Variants in MYO18A observed in about 807,000 individuals in gnomAD.
The protein encoded by MYO18A is unconventional myosin-XVIIIa.
MYO18A carries 78 observed loss-of-function variants against 235.8 expected under a neutral mutation model. That is an observed-to-expected ratio of 0.33 (90% CI 0.28 to 0.40). The LOEUF (loss-of-function observed/expected upper bound fraction) is 0.40. Ranked by LOEUF, MYO18A falls within the 10% of genes least tolerant of loss-of-function variation. The probability of loss-of-function intolerance (pLI) is 1.00; values close to 1 mark genes in which losing one functional copy is unlikely to be tolerated. For synonymous variants in MYO18A, 977 were observed against 1,077.8 expected (o/e 0.91, Z 1.83); for missense variants, 2,215 against 2,699.3 (o/e 0.82, Z 3.98).
chr17:29,128,060 C>A (rs2067367760), intron 2 of MYO18A: 1 of 1,016,646 alleles, frequency 9.8e-7, no homozygotes, highest in Admixed American at 5.6e-5. Context: ...GGGCTTCTCC[C>A]CCTTCCCAGA....
At chr17:29,172,763 A>G (rs2068434396) in intron 1 of MYO18A, among the ~76,000 whole-genome samples, 3 of 152,200 alleles carry the variant, frequency 2.0e-5, no homozygotes, top group Non-Finnish European at 4.4e-5. Flanking sequence ...GTAAAGCCCA[A>G]AGAAGTGAAG....
At chr17:29,133,659 T>C (rs1265052061) in intron 2 of MYO18A, 2 of 533,602 alleles carry the variant, frequency 3.7e-6, no homozygotes, top group East Asian at 6.9e-5. Flanking sequence ...TCATTCTCCC[T>C]GCCACCCCCA....
chr17:29,099,506 C>G, intron 22 of MYO18A, 128 bp downstream of exon 22: 1 of 1,292,700 alleles, frequency 7.7e-7, no homozygotes, highest in Non-Finnish European at 1.0e-6. Flanking sequence ...CTGCCTGTTC[C>G]CCACCCTGGC....
Position 29,126,353 on chromosome 17 carries a change from G to A in MYO18A, c.1000-4100C>T, listed in dbSNP as rs938216105. On this transcript the variant is annotated intron_variant, in intron 2 of 41. Transcript: ENST00000527372. This position sits in a 1 kb window ranked among gnomAD's most constrained non-coding sequence, Gnocchi z 4.1. The stretch of plus-strand genomic sequence containing the variant: ...AGGAGGGAGGGGAGGGCAGCCGCCC[G>A]GGAACAGGACCACGACACTCCCCAC... Among the ~76,000 whole-genome samples the A allele has an allele frequency of 2.6e-5, 4 of 151,912 alleles. No homozygotes were observed. Among genetic ancestry groups the A allele is most frequent in the South Asian group, 4.1e-4 (2 of 4,820 alleles).
At chr17:29,157,597 A>G (rs1226540528) in intron 2 of MYO18A, among the ~76,000 whole-genome samples, 2 of 152,206 alleles carry the variant, frequency 1.3e-5, no homozygotes, top group African/African-American at 4.8e-5. Flanking sequence ...TTAACCTCTC[A>G]GTAATGCAGT....
chr17:29,166,007 C>T lies in MYO18A; in HGVS notation c.934G>A (p.Glu312Lys). ...CAGCTCCTGCTGAGCTCGCTGAGCT[C>T]TGGAATGGGCTGCACCTTGAGCCGC... ...SVRLKVQPIPELSELSRSWLR... is the reference protein window; with the variant it reads ...SVRLKVQPIPKLSELSRSWLR... The change falls in exon 2 of 42, where the codon GAG (glutamate) becomes AAG (lysine). Residue 312 changes from glutamate to lysine, a missense_variant. Glu to Lys is a moderately conservative substitution (Grantham distance 56). Coordinates refer to ENST00000527372, the MANE Select transcript of MYO18A (RefSeq NM_078471.4). 1 of 1,613,620 alleles carries T rather than the reference C, an allele frequency of 6.2e-7. No individual in the cohort carries two copies. The highest frequency in any genetic ancestry group is 1.1e-5 in the South Asian group (1 of 91,088).
intron 21 of MYO18A, among the ~76,000 whole-genome samples, chr17:29,101,722 C>A (rs1458436726): frequency 6.6e-6 from 1 of 152,150 alleles, no homozygotes; most frequent in Non-Finnish European, 1.5e-5. Flanking sequence ...AGCCACCTGA[C>A]CAGGGCAGAA....
At chr17:29,114,146 G>C in intron 14 of MYO18A, 49 bp from the exon 15 acceptor site, 1 of 1,432,504 alleles carries the variant, frequency 7.0e-7, no homozygotes, top group Non-Finnish European at 9.6e-7. Context: ...ACATTGTGGG[G>C]AACAGCCTTG....
chr17:29,151,706 G>A (rs980785880), intron 2 of MYO18A, among the ~76,000 whole-genome samples: 3 of 152,216 alleles, frequency 2.0e-5, no homozygotes, highest in African/African-American at 7.2e-5. Context: ...CCAAGCACGA[G>A]TAAGACATCT....
chr17:29,082,548 T>C, intron 40 of MYO18A, 110 bp from the exon 41 acceptor site: 1 of 1,119,254 alleles, frequency 8.9e-7, no homozygotes, highest in Non-Finnish European at 1.3e-6. Context: ...GTGGGCAGCA[T>C]GCACGTCGGT....
At position 29,086,190 on chromosome 17, in the gene MYO18A, G is replaced by A. The variant is rs563444665; in HGVS notation, c.5852+248C>T. Among the ~76,000 whole-genome samples the A allele has an allele frequency of 6.6e-5, 10 of 152,326 alleles. No homozygotes were observed. The East Asian group carries it at 1.2e-3, about 18-fold the overall frequency. ...AACGGGAGAATAACTCATCTTGAGCGGGCAGAGCTGGAGGGCCTGGTCGTG... is the reference window on the plus strand; with the variant it reads ...AACGGGAGAATAACTCATCTTGAGCAGGCAGAGCTGGAGGGCCTGGTCGTG... On this transcript the variant is annotated intron_variant, in intron 39 of 41. Transcript: ENST00000527372.
chr17:29,160,800 A>G (rs1054977452), intron 2 of MYO18A, among the ~76,000 whole-genome samples: 2 of 151,928 alleles, frequency 1.3e-5, no homozygotes, highest in African/African-American at 4.8e-5. Flanking sequence ...ACACACTAAA[A>G]CCTCCAACTA....
At position 29,158,862 on chromosome 17, in the gene MYO18A, T is replaced by C. The variant is rs1366540951; in HGVS notation, c.999+7080A>G. 2.0e-5 allele frequency among the ~76,000 whole-genome samples: 3 copies of C among 152,204 alleles called. No homozygotes were observed. The highest frequency in any genetic ancestry group is 6.5e-5 in the Admixed American group (1 of 15,284). Reference sequence around the variant, plus strand: ...CTCACCCCCAGTCAGGGTGTTTGCATATCTGGTATTTTCCAGAACCAGTCC... The same window carrying C: ...CTCACCCCCAGTCAGGGTGTTTGCACATCTGGTATTTTCCAGAACCAGTCC... On this transcript the variant is annotated intron_variant, in intron 2 of 41. Transcript: ENST00000527372. The surrounding 1 kb of genome is among the most constrained non-coding windows in gnomAD (Gnocchi z 4.3).
In MYO18A at chr17:29,121,206, C is replaced by T. The variant is rs1471365775; in HGVS notation, c.1377G>A (p.Met459Ile). 3 of 1,605,304 alleles carry T rather than the reference C, an allele frequency of 1.9e-6. No homozygotes were observed. The highest frequency in any genetic ancestry group is 1.1e-5 in the South Asian group (1 of 89,158). ...CCCGCCGACAACCCTTGAACATGTG[C>T]ATCACCTTGGGCAGGAGAGCAAGGG... is the stretch of plus-strand genomic sequence containing the variant. ...GAPAVYSEKV[M>I]HMFKGCRRED... Residue 459 changes from methionine to isoleucine, a missense_variant, in exon 6 of 42, where the codon ATG becomes ATA. Met to Ile is a conservative substitution (Grantham distance 10, BLOSUM62 1). Transcript: ENST00000527372. The surrounding 1 kb of genome is among the most constrained non-coding windows in gnomAD (Gnocchi z 4.2).
chr17:29,090,399 GCTC>G, intron 36 of MYO18A, 130 bp downstream of exon 36: 1 of 795,880 alleles, frequency 1.3e-6, no homozygotes, highest in Non-Finnish European at 2.0e-6. Context: ...CCTAGCTCTT[GCTC>G]CTCATTTACG....
intron 41 of MYO18A, chr17:29,080,925 G>T (rs2152718540): frequency 2.5e-5 from 25 of 985,486 alleles, no homozygotes; most frequent in Non-Finnish European, 3.0e-5. Context: ...CCTTTAGGGT[G>T]AGCCGCTTCC....
At chr17:29,160,382 C>T (rs1172054280) in intron 2 of MYO18A, among the ~76,000 whole-genome samples, 2 of 152,186 alleles carry the variant, frequency 1.3e-5, no homozygotes, top group Non-Finnish European at 2.9e-5. Context: ...CACCAGGAGG[C>T]CTCTCCTGAT....
chr17:29,141,234 G>A (rs1169749916), intron 2 of MYO18A, among the ~76,000 whole-genome samples: 1 of 152,186 alleles, frequency 6.6e-6, no homozygotes, highest in Non-Finnish European at 1.5e-5. Context: ...AAAAGCCAGT[G>A]TTTCTTGTGA....
Position 29,121,645 on chromosome 17 carries a change from A to G in MYO18A, c.1273T>C (p.Leu425=). ...AGGCTAGCGCCATAGCGCTGGCGCA[A>G]GGTGTGCAGGACGCTGGACTCATTG... ...YLNESSVLHT[L]RQRYGASLLH... is the part of the protein sequence containing the mutation. Residue 425 remains leucine (L), a synonymous_variant, in exon 5 of 42, where the codon TTG becomes CTG. Coordinates refer to ENST00000527372, the MANE Select transcript of MYO18A (RefSeq NM_078471.4). This position sits in a 1 kb window ranked among gnomAD's most constrained non-coding sequence, Gnocchi z 4.2. 6.4e-7 allele frequency: 1 copy of G among 1,573,262 alleles called. No homozygotes were observed. The highest frequency in any genetic ancestry group is 8.6e-7 in the Non-Finnish European group (1 of 1,159,496).
Sources: allele counts gnomAD v4.1 joint callset (sites outside exome capture counted in the v4.1 genomes callset), GRCh38; gene constraint gnomAD v4.1.1; non-coding constraint Gnocchi (gnomAD v3.1); transcripts MANE v1.5; gene names NCBI Gene and HGNC (gene_info 2026-07-23, HGNC 2026-07-21).